Variants in DENND1A observed in about 807,000 individuals in gnomAD.
DENND1A encodes the protein DENN domain-containing protein 1A.
Under a neutral mutation model 113.7 loss-of-function variants are expected in DENND1A, and 51 were observed. The observed-to-expected ratio is 0.45, with a 90% CI of 0.36 to 0.57. The LOEUF (loss-of-function observed/expected upper bound fraction) is 0.57. DENND1A is among the 20% of genes least tolerant of loss of function. The pLI is 0.00. For missense variants in DENND1A, 1,258 were observed against 1,395.9 expected (o/e 0.90, Z 1.57); for synonymous variants, 565 against 570.8 (o/e 0.99, Z 0.14).
chr9:123,580,249 A>T (rs999239290), intron 12 of DENND1A, among the ~76,000 whole-genome samples: 12 of 152,160 alleles, frequency 7.9e-5, no homozygotes, highest in African/African-American at 2.9e-4. Flanking sequence ...TGGTTCCCTG[A>T]GGCTACCTCA....
chr9:123,413,274 T>G, intron 19 of DENND1A: 1 of 437,736 alleles, frequency 2.3e-6, no homozygotes, highest in Non-Finnish European at 3.0e-6. Context: ...TCAGTAATAA[T>G]TTTTAGATTG....
At chr9:123,464,915 G>A (rs966107473) in intron 13 of DENND1A, among the ~76,000 whole-genome samples, 2 of 149,412 alleles carry the variant, frequency 1.3e-5, no homozygotes, top group Non-Finnish European at 3.0e-5. Context: ...GTGGGAGGCC[G>A]AGGCAGGCGA....
At chr9:123,902,072 G>A (rs922058082) in intron 1 of DENND1A, among the ~76,000 whole-genome samples, 3 of 151,404 alleles carry the variant, frequency 2.0e-5, no homozygotes, top group Non-Finnish European at 4.4e-5. Context: ...TCCAAATATC[G>A]GCCCTCATGA....
intron 3 of DENND1A, among the ~76,000 whole-genome samples, chr9:123,776,078 T>A (rs1419387613): frequency 1.3e-5 from 2 of 152,122 alleles, no homozygotes; most frequent in Admixed American, 1.3e-4. Context: ...TACCCACAAC[T>A]TCCCCTGCCA....
At chr9:123,675,357 C>T (rs931945833) in intron 6 of DENND1A, among the ~76,000 whole-genome samples, 10 of 152,268 alleles carry the variant, frequency 6.6e-5, no homozygotes, top group African/African-American at 1.4e-4. Context: ...GAAGCACAGG[C>T]GACCCAGGTT....
intron 13 of DENND1A, among the ~76,000 whole-genome samples, chr9:123,502,094 T>C (rs2052537445): frequency 1.3e-5 from 2 of 152,094 alleles, no homozygotes; most frequent in South Asian, 2.1e-4. Flanking sequence ...ACCCTGACTA[T>C]AATACAGGCT....
chr9:123,431,417 G>T (rs975211203), intron 19 of DENND1A, among the ~76,000 whole-genome samples: 6 of 152,292 alleles, frequency 3.9e-5, no homozygotes, highest in African/African-American at 1.4e-4. Context: ...TACCAGAACA[G>T]TCTCACTTGT....
In DENND1A at chr9:123,752,791, T is replaced by C. The variant is rs1035671034; in HGVS notation, c.302+4912A>G. Among the ~76,000 whole-genome samples the C allele has an allele frequency of 2.6e-5, 4 of 152,252 alleles. No individual in the cohort carries two copies. The South Asian group carries it at 8.3e-4, about 32-fold the overall frequency. ...AAGATTTCAGAGGTAAATGCATATA[T>C]TGCATCAGACTCAGATGGTACAATA... On this transcript the variant is annotated intron_variant, in intron 5 of 23. Coordinates refer to ENST00000394215, the MANE Select transcript of DENND1A (RefSeq NM_001352964.2).
chr9:123,623,037 T>C (rs1307934910), intron 10 of DENND1A, among the ~76,000 whole-genome samples: 1 of 152,208 alleles, frequency 6.6e-6, no homozygotes, highest in Non-Finnish European at 1.5e-5. Context: ...CCTGGAAATG[T>C]CTTACTCCTT....
intron 2 of DENND1A, among the ~76,000 whole-genome samples, chr9:123,842,690 A>C (rs1272899518): frequency 6.6e-6 from 1 of 152,254 alleles, no homozygotes; most frequent in Admixed American, 6.5e-5. Context: ...TCTACCAAAC[A>C]TTTAAAGAAG....
At chr9:123,929,445 A>C (rs925833294) in intron 1 of DENND1A, among the ~76,000 whole-genome samples, 5 of 152,130 alleles carry the variant, frequency 3.3e-5, no homozygotes, top group African/African-American at 1.2e-4. Context: ...TAAGAACCTC[A>C]CGCGACTTCT....
At chr9:123,709,948 T>C (rs2066473065) in intron 5 of DENND1A, among the ~76,000 whole-genome samples, 1 of 152,208 alleles carries the variant, frequency 6.6e-6, no homozygotes, top group South Asian at 2.1e-4. Context: ...CACAACTCAA[T>C]GAATTAAGAA....
rs182161028 is a variant in DENND1A at position 123,649,468 on chromosome 9, T to C, written c.618+2545A>G. ...AGGAAAAGTTGGGTTTCATTTCCTC[T>C]TGTTCTAGACTCTTAAGGAGTTTGT... On this transcript the variant is annotated intron_variant, in intron 9 of 23. Transcript: ENST00000394215. 5.5e-4 allele frequency among the ~76,000 whole-genome samples: 83 copies of C among 152,290 alleles called. 1 individual carries two copies. The highest frequency in any genetic ancestry group is 1.9e-3 in the African/African-American group (77 of 41,562).
rs573991774 is a variant in DENND1A at position 123,625,314 on chromosome 9, C to T, written c.719+5062G>A. Among the ~76,000 whole-genome samples, 9 of 152,336 alleles carry T rather than the reference C, an allele frequency of 5.9e-5. No homozygotes were observed. In the East Asian group the frequency reaches 1.2e-3, roughly 20 times the overall value. On this transcript the variant is annotated intron_variant, in intron 10 of 23. Coordinates refer to ENST00000394215, the MANE Select transcript of DENND1A (RefSeq NM_001352964.2). Reference sequence around the variant, plus strand: ...CATCACAGATGTAAAGGAGATGGACCAGTGTTCAACAGTGGCAGCTATCTT... The same window carrying T: ...CATCACAGATGTAAAGGAGATGGACTAGTGTTCAACAGTGGCAGCTATCTT...
chr9:123,549,255 TTTCCTTGC>T (rs2056894422), intron 13 of DENND1A, among the ~76,000 whole-genome samples: 1 of 152,094 alleles, frequency 6.6e-6, no homozygotes, highest in African/African-American at 2.4e-5. Context: ...TTTCTCCCGG[TTTCCTTGC>T]TTCCTTATCT....
At chr9:123,476,142 C>T (rs758870750) in intron 13 of DENND1A, among the ~76,000 whole-genome samples, 2 of 150,490 alleles carry the variant, frequency 1.3e-5, no homozygotes, top group Non-Finnish European at 2.9e-5. Flanking sequence ...TGAGATCGCA[C>T]GATTGCACTA....
intron 23 of DENND1A, 132 bp from the exon 24 acceptor site, chr9:123,382,757 G>C (rs768913848): frequency 1.0e-6 from 1 of 985,648 alleles, no homozygotes; most frequent in African/African-American, 1.6e-5. Context: ...CCTCGGACTT[G>C]GAACAGCTGA....
intron 8 of DENND1A, 77 bp from the exon 9 acceptor site, chr9:123,652,200 G>C: frequency 8.2e-7 from 1 of 1,226,658 alleles, no homozygotes; most frequent in Non-Finnish European, 1.2e-6. Flanking sequence ...AAGAGCATAA[G>C]AAACATAAAA....
chr9:123,901,533 T>C (rs1564471575), intron 1 of DENND1A, among the ~76,000 whole-genome samples: 1 of 152,174 alleles, frequency 6.6e-6, no homozygotes, highest in Non-Finnish European at 1.5e-5. Context: ...TCACACTTAA[T>C]ATAACCCATA....
Sources: gnomAD v4.1 joint callset for allele counts (sites outside exome capture counted in the v4.1 genomes callset) on GRCh38, gnomAD v4.1.1 for gene constraint, MANE v1.5 for transcripts, NCBI Gene and HGNC (gene_info 2026-07-23, HGNC 2026-07-21) for gene names.